Variants in EYS observed in about 807,000 individuals in gnomAD.
The protein encoded by EYS is EGF-like photoreceptor maintenance factor.
EYS carries 250 observed loss-of-function variants against 282.1 expected under a neutral mutation model. The observed-to-expected ratio is 0.89, with a 90% CI of 0.80 to 0.98. The LOEUF is 0.98. EYS is among the 50% of genes least tolerant of loss of function. The probability of loss-of-function intolerance (pLI) is 0.00; values close to 1 mark genes in which losing one functional copy is unlikely to be tolerated. For synonymous variants in EYS, 1,355 were observed against 1,282.9 expected (o/e 1.06, Z -1.20); for missense variants, 4,016 against 3,709.0 (o/e 1.08, Z -2.15).
At chr6:64,273,416 C>T (rs1295860154) in intron 30 of EYS, among the ~76,000 whole-genome samples, 1 of 151,976 alleles carries the variant, frequency 6.6e-6, no homozygotes, top group Non-Finnish European at 1.5e-5. Flanking sequence ...ATAAATCTGT[C>T]CTCAGTGTTT....
intron 5 of EYS, among the ~76,000 whole-genome samples, chr6:65,486,795 T>C (rs1465995514): frequency 6.6e-6 from 1 of 152,224 alleles, no homozygotes; most frequent in African/African-American, 2.4e-5. Context: ...ATTTACTTCA[T>C]GAATATCTTG....
chr6:63,720,646 A>G lies in EYS; in HGVS notation c.9385T>C (p.Leu3129=). 1 of 1,530,708 alleles carries G rather than the reference A, an allele frequency of 6.5e-7. No individual in the cohort carries two copies. The highest frequency in any genetic ancestry group is 8.8e-7 in the Non-Finnish European group (1 of 1,137,750). The allele number at this position is 1,530,708 out of a possible 1,614,324, so 94.8% of individuals were successfully genotyped here. The change falls in exon 43 of 43, where the codon TTA becomes CTA. Residue 3129 remains leucine (L), a synonymous_variant. Transcript: ENST00000503581. ...CCATCATAAACATTGTATCCTTCTA[A>G]TTTAATTAGTTCAATGTTTTTTGGT... The part of the protein sequence containing the change: ...QEPKNIELIK[L]EGYNVYDGDE...
At chr6:64,634,826 A>G (rs1321286601) in intron 22 of EYS, among the ~76,000 whole-genome samples, 1 of 152,212 alleles carries the variant, frequency 6.6e-6, no homozygotes, top group Non-Finnish European at 1.5e-5. Context: ...ATTCAATATA[A>G]AAGAAATTAG....
chr6:64,579,145 T>A (rs1765983346), intron 26 of EYS, among the ~76,000 whole-genome samples: 1 of 152,144 alleles, frequency 6.6e-6, no homozygotes, highest in Admixed American at 6.6e-5. Flanking sequence ...TTATTCCTGT[T>A]TTGATCCCTG....
At chr6:63,827,057 C>G (rs1385277198) in intron 36 of EYS, among the ~76,000 whole-genome samples, 1 of 152,100 alleles carries the variant, frequency 6.6e-6, no homozygotes, top group Non-Finnish European at 1.5e-5. Flanking sequence ...TAAGAACTCA[C>G]ATAAAGTAAA....
At chr6:65,243,967 T>C (rs1334605493) in intron 12 of EYS, among the ~76,000 whole-genome samples, 4 of 152,212 alleles carry the variant, frequency 2.6e-5, no homozygotes, top group African/African-American at 9.6e-5. Flanking sequence ...CCAAATAAAA[T>C]AGTTTTTGAA....
At position 63,882,912 on chromosome 6, in the gene EYS, G is replaced by A. The variant is rs541338251; in HGVS notation, c.7056-18554C>T. On this transcript the variant is annotated intron_variant, in intron 35 of 42. Coordinates refer to ENST00000503581, the MANE Select transcript of EYS (RefSeq NM_001142800.2). ...CTTTTGCCCAGAGTTCAGCAAAAAG[G>A]AGATTTGAAAAACTATACAGAGGCT... is the stretch of plus-strand genomic sequence containing the variant. Among the ~76,000 whole-genome samples the A allele has an allele frequency of 5.9e-5, 9 of 152,248 alleles. No homozygotes were observed. The South Asian group carries it at 1.7e-3, about 28-fold the overall frequency.
intron 19 of EYS, among the ~76,000 whole-genome samples, chr6:64,835,727 A>G (rs373202982): frequency 1.3e-5 from 2 of 151,746 alleles, no homozygotes; most frequent in East Asian, 1.9e-4. Context: ...GTCAATTATG[A>G]GAATATTCAC....
In EYS at chr6:65,400,519, C is replaced by T. The variant is rs138379531; in HGVS notation, c.1184+1959G>A. Among the ~76,000 whole-genome samples the T allele has an allele frequency of 1.7e-4, 26 of 151,946 alleles. No homozygotes were observed. In the East Asian group the frequency reaches 3.3e-3, roughly 19 times the overall value. On this transcript the variant is annotated intron_variant, in intron 7 of 42. Coordinates refer to ENST00000503581, the MANE Select transcript of EYS (RefSeq NM_001142800.2). ...TGCTCATAATAATAACATTTTTATGCTAACTTCCCATAGACACCTAAAGCT... is the reference window on the plus strand; with the variant it reads ...TGCTCATAATAATAACATTTTTATGTTAACTTCCCATAGACACCTAAAGCT...
At chr6:64,066,230 A>C in intron 33 of EYS, 108 bp downstream of exon 33, 1 of 961,066 alleles carries the variant, frequency 1.0e-6, no homozygotes, top group Non-Finnish European at 1.5e-6. Flanking sequence ...GTGAGCTGAG[A>C]TCACACCACT....
At chr6:65,453,899 A>C (rs2150403905) in intron 5 of EYS, among the ~76,000 whole-genome samples, 1 of 151,996 alleles carries the variant, frequency 6.6e-6, no homozygotes, top group Admixed American at 6.6e-5. Context: ...ACTGAGTATA[A>C]ACACCGTATT....
chr6:65,214,405 C>T (rs756198832), intron 12 of EYS, among the ~76,000 whole-genome samples: 1 of 152,092 alleles, frequency 6.6e-6, no homozygotes, highest in Non-Finnish European at 1.5e-5. Flanking sequence ...TATTAAAAAG[C>T]CTAACCCAGG....
At chr6:65,212,062 G>A (rs138844586) in intron 12 of EYS, among the ~76,000 whole-genome samples, 327 of 151,118 alleles carry the variant, frequency 2.2e-3, no homozygotes, top group Middle Eastern at 6.9e-3. Context: ...TAGACATAGA[G>A]ATTCAGAAAA....
At chr6:64,397,645 C>T (rs1773421266) in intron 28 of EYS, among the ~76,000 whole-genome samples, 1 of 151,744 alleles carries the variant, frequency 6.6e-6, no homozygotes, top group African/African-American at 2.4e-5. Flanking sequence ...TGGTATTTGG[C>T]TAATTGTGTC....
At chr6:64,398,970 G>T (rs1169239732) in intron 28 of EYS, among the ~76,000 whole-genome samples, 2 of 151,740 alleles carry the variant, frequency 1.3e-5, no homozygotes, top group African/African-American at 4.8e-5. Context: ...ATATCTGAGG[G>T]AGAATATAGC....
At chr6:64,372,967 G>A (rs1248367522) in intron 29 of EYS, among the ~76,000 whole-genome samples, 1 of 152,078 alleles carries the variant, frequency 6.6e-6, no homozygotes, top group East Asian at 1.9e-4. Context: ...CTCCTATACT[G>A]TTTTATTGTA....
intron 22 of EYS, among the ~76,000 whole-genome samples, chr6:64,648,795 A>AAT (rs1257564196): frequency 6.6e-6 from 1 of 152,214 alleles, no homozygotes; most frequent in African/African-American, 2.4e-5. Flanking sequence ...AATAGCTAAA[A>AAT]ATAATTTTAT....
chr6:64,948,463 A>G (rs949343119), intron 14 of EYS, among the ~76,000 whole-genome samples: 1 of 147,110 alleles, frequency 6.8e-6, no homozygotes, highest in African/African-American at 2.5e-5. Flanking sequence ...TAATATTATT[A>G]AATATTAAAT....
intron 26 of EYS, among the ~76,000 whole-genome samples, chr6:64,551,920 C>A (rs981925585): frequency 1.3e-5 from 2 of 152,134 alleles, no homozygotes; most frequent in African/African-American, 4.8e-5. Flanking sequence ...GAGATGGTAT[C>A]TCATTGTGGT....
Sources: allele counts gnomAD v4.1 joint callset (sites outside exome capture counted in the v4.1 genomes callset), GRCh38; gene constraint gnomAD v4.1.1; transcripts MANE v1.5; gene names NCBI Gene and HGNC (gene_info 2026-07-23, HGNC 2026-07-21).